Variants in AFAP1L1 observed in about 807,000 individuals in gnomAD.
The protein encoded by AFAP1L1 is actin filament-associated protein 1-like 1.
In AFAP1L1, 77 loss-of-function variants were observed where a neutral mutation model predicts 99.8. The observed-to-expected ratio is 0.77, with a 90% CI of 0.64 to 0.93. The LOEUF is 0.93. AFAP1L1 is among the 40% of genes least tolerant of loss of function. The pLI, the probability that AFAP1L1 is intolerant of heterozygous loss-of-function variation, is 0.00. For synonymous variants in AFAP1L1, 373 were observed against 395.3 expected (o/e 0.94, Z 0.67); for missense variants, 893 against 996.8 (o/e 0.90, Z 1.40).
intron 1 of AFAP1L1, among the ~76,000 whole-genome samples, chr5:149,289,068 C>T (rs1360648144): frequency 6.6e-6 from 1 of 152,186 alleles, no homozygotes; most frequent in South Asian, 2.1e-4. Flanking sequence ...TCCTCATTTC[C>T]CCCTCACACA....
At chr5:149,335,204 G>A (rs1757368673) in intron 17 of AFAP1L1, among the ~76,000 whole-genome samples, 1 of 152,096 alleles carries the variant, frequency 6.6e-6, no homozygotes, top group Non-Finnish European at 1.5e-5. Context: ...AGTTCCTCAT[G>A]CAGCCAGGCA....
intron 1 of AFAP1L1, among the ~76,000 whole-genome samples, chr5:149,293,987 C>T (rs1755942644): frequency 6.6e-6 from 1 of 152,172 alleles, no homozygotes. Context: ...ACTCCATGCT[C>T]CAGCTATTTG....
At chr5:149,338,920 C>T (rs554348139) in intron 18 of AFAP1L1, among the ~76,000 whole-genome samples, 1 of 152,284 alleles carries the variant, frequency 6.6e-6, no homozygotes, top group South Asian at 2.1e-4. Context: ...TGAGGAACAT[C>T]AAGAAGATCC....
At chr5:149,307,075 C>T (rs1472205801) in intron 6 of AFAP1L1, among the ~76,000 whole-genome samples, 1 of 152,064 alleles carries the variant, frequency 6.6e-6, no homozygotes, top group African/African-American at 2.4e-5. Flanking sequence ...GGTGAAACCC[C>T]ATCTCTACTA....
In AFAP1L1 at chr5:149,342,281, A is replaced by G. The variant is rs963470994; in HGVS notation, c.*2251A>G. Reference sequence around the variant, plus strand: ...TTAGTTTTCACTGAAACCCTGAGATAAGTTATATTGCCCTAGTTTTCACAG... The same window carrying G: ...TTAGTTTTCACTGAAACCCTGAGATGAGTTATATTGCCCTAGTTTTCACAG... On this transcript the variant is annotated 3_prime_UTR_variant, in exon 19 of 19. Coordinates refer to ENST00000296721, the MANE Select transcript of AFAP1L1 (RefSeq NM_152406.4). 6.6e-6 allele frequency among the ~76,000 whole-genome samples: 1 copy of G among 152,198 alleles called. No homozygotes were observed. Among genetic ancestry groups the G allele is most frequent in the Non-Finnish European group, 1.5e-5 (1 of 68,040 alleles).
At position 149,308,389 on chromosome 5, in the gene AFAP1L1, C is replaced by T. The variant is rs187758900; in HGVS notation, c.747+776C>T. Among the ~76,000 whole-genome samples the T allele has an allele frequency of 9.2e-5, 14 of 152,222 alleles. No individual in the cohort carries two copies. The East Asian group carries it at 1.4e-3, about 15-fold the overall frequency. ...ATAGCTTTAGTGTACACATTTCCAC[C>T]CTCATTTCCTTACATCTGTCTTTTA... On this transcript the variant is annotated intron_variant, in intron 7 of 18. Coordinates refer to ENST00000296721, the MANE Select transcript of AFAP1L1 (RefSeq NM_152406.4).
intron 17 of AFAP1L1, 81 bp downstream of exon 17, chr5:149,332,954 C>G: frequency 7.0e-7 from 1 of 1,433,982 alleles, no homozygotes; most frequent in Non-Finnish European, 9.2e-7. Context: ...CATGATCATT[C>G]TTTGGAGGTA....
chr5:149,288,922 C>T (rs73275802), intron 1 of AFAP1L1, among the ~76,000 whole-genome samples: 3,567 of 152,264 alleles, frequency 0.023, 152 homozygotes, highest in African/African-American at 0.082. Flanking sequence ...GTCACCCTAG[C>T]CTGACTCCTG....
At chr5:149,282,454 C>T (rs2127589667) in intron 1 of AFAP1L1, among the ~76,000 whole-genome samples, 1 of 152,290 alleles carries the variant, frequency 6.6e-6, no homozygotes, top group Admixed American at 6.5e-5. Flanking sequence ...GATAAGGATC[C>T]TAACCAAGTT....
Position 149,302,460 on chromosome 5 carries a change from G to T in AFAP1L1, c.370G>T (p.Glu124Ter), listed in dbSNP as rs780988620. 1.4e-5 allele frequency: 22 copies of T among 1,597,014 alleles called. No individual in the cohort carries two copies. In the South Asian group the frequency reaches 2.4e-4, roughly 17 times the overall value. Residue 124 changes from glutamate (E) to a stop codon, truncating the protein, a stop_gained, in exon 5 of 19, where the codon GAG becomes TAG. Transcript: ENST00000296721. LOFTEE classifies it high-confidence loss of function. ...ACCGCTCCCCAACAAGCCTCCCCCT[G>T]AGGACTACTATGAAGAGGCCCTTCC... ...PPPLPNKPPP[E>*]DYYEEALPLG...
chr5:149,330,613 CT>C (rs1180311338), intron 16 of AFAP1L1, among the ~76,000 whole-genome samples: 2 of 149,820 alleles, frequency 1.3e-5, no homozygotes, highest in African/African-American at 5.1e-5. Context: ...AAGGAGAAGA[CT>C]TGTTCTGTGT....
At chr5:149,338,513 T>C (rs1457160033) in intron 18 of AFAP1L1, among the ~76,000 whole-genome samples, 1 of 152,128 alleles carries the variant, frequency 6.6e-6, no homozygotes, top group East Asian at 1.9e-4. Context: ...CATCCTCAGG[T>C]TGGAATTGAA....
chr5:149,332,274 G>A (rs1274827930), intron 16 of AFAP1L1, among the ~76,000 whole-genome samples: 1 of 152,218 alleles, frequency 6.6e-6, no homozygotes, highest in Non-Finnish European at 1.5e-5. Flanking sequence ...GCGTGTGCCT[G>A]TAGTCCCAGC....
In AFAP1L1 at chr5:149,287,756, T is replaced by G. The variant is rs918959050; in HGVS notation, c.17-11753T>G. ...AGGGTTTTTTGTTTTTTTGGTGTTT[T>G]TTTTTTTTTTTTGTATTTTTAGTAC... On this transcript the variant is annotated intron_variant, in intron 1 of 18. Transcript: ENST00000296721. Among the ~76,000 whole-genome samples, 126 of 149,708 alleles carry G rather than the reference T, an allele frequency of 8.4e-4. 2 individuals are homozygous for G. The highest frequency in any genetic ancestry group is 1.0e-3 in the Non-Finnish European group (70 of 67,332).
At chr5:149,328,654 C>G (rs1482886716) in intron 15 of AFAP1L1, among the ~76,000 whole-genome samples, 2 of 151,948 alleles carry the variant, frequency 1.3e-5, no homozygotes, top group African/African-American at 4.8e-5. Context: ...ACTAAAAATA[C>G]AAAAATTAGC....
chr5:149,320,577 A>G lies in AFAP1L1; in HGVS notation c.1698+114A>G. The G allele has an allele frequency of 1.0e-6, 1 of 955,268 alleles. No individual in the cohort carries two copies. The highest frequency in any genetic ancestry group is 1.5e-5 in the South Asian group (1 of 68,302). 59.2% of individuals were successfully genotyped at this position (955,268 alleles called of 1,614,324 possible). A position where few individuals can be genotyped will look rare whatever the true frequency, so the allele number is the denominator to read the frequency against. On this transcript the variant is annotated intron_variant, in intron 14 of 18. Coordinates refer to ENST00000296721, the MANE Select transcript of AFAP1L1 (RefSeq NM_152406.4). The surrounding 1 kb of genome is among the most constrained non-coding windows in gnomAD (Gnocchi z 4.0). ...AGATCATTTTCATTTAAGCAGCAGT[A>G]GCTAGAAGGGGAGCCCCTTCTTATC...
Position 149,299,396 on chromosome 5 carries a change from C to A in AFAP1L1, c.17-113C>A. On this transcript the variant is annotated intron_variant, in intron 1 of 18. Coordinates refer to ENST00000296721, the MANE Select transcript of AFAP1L1 (RefSeq NM_152406.4). ...GAGCCCCCAGGTCCGCTTGCACACC[C>A]GGACCTGCCCTCTGACCCCTTCCGC... 1.4e-6 allele frequency: 2 copies of A among 1,435,552 alleles called. 1 individual carries two copies. The highest frequency in any genetic ancestry group is 2.7e-5 in the South Asian group (2 of 73,034). The allele number at this position is 1,435,552 out of a possible 1,614,324, so 88.9% of individuals were successfully genotyped here.
intron 15 of AFAP1L1, among the ~76,000 whole-genome samples, chr5:149,329,378 C>G (rs1412131080): frequency 6.6e-6 from 1 of 152,122 alleles, no homozygotes; most frequent in African/African-American, 2.4e-5. Context: ...GTCACACTAC[C>G]AGTCACTTTT....
At chr5:149,336,736 C>T (rs577458340) in intron 18 of AFAP1L1, among the ~76,000 whole-genome samples, 11 of 152,206 alleles carry the variant, frequency 7.2e-5, no homozygotes, top group Non-Finnish European at 1.6e-4. Flanking sequence ...TGCCTTTATC[C>T]ATGAACGGAT....
Sources: gnomAD v4.1 joint callset for allele counts (sites outside exome capture counted in the v4.1 genomes callset) on GRCh38, gnomAD v4.1.1 for gene constraint, Gnocchi (gnomAD v3.1) non-coding constraint, MANE v1.5 for transcripts, NCBI Gene and HGNC (gene_info 2026-07-23, HGNC 2026-07-21) for gene names.